The following ERBB4 variants were observed in gnomAD, a reference collection of about 807,000 sequenced individuals.
ERBB4 encodes receptor tyrosine-protein kinase erbB-4.
A neutral mutation model predicts 158.0 loss-of-function variants in ERBB4; 42 were observed. The observed-to-expected ratio is 0.27, with a 90% CI of 0.21 to 0.34. ERBB4 has a LOEUF of 0.34. ERBB4 is among the 10% of genes least tolerant of loss of function. The pLI is 1.00. For synonymous variants in ERBB4, 583 were observed against 558.7 expected (o/e 1.04, Z -0.61); for missense variants, 1,333 against 1,624.1 (o/e 0.82, Z 3.08).
At chr2:211,803,627 G>A (rs2076548822) in intron 3 of ERBB4, among the ~76,000 whole-genome samples, 1 of 152,194 alleles carries the variant, frequency 6.6e-6, no homozygotes, top group Non-Finnish European at 1.5e-5. Flanking sequence ...TTTATTCAGA[G>A]GGGCCAGAAA....
chr2:212,121,785 A>T (rs2079758373), intron 2 of ERBB4, among the ~76,000 whole-genome samples: 1 of 152,292 alleles, frequency 6.6e-6, no homozygotes, highest in Non-Finnish European at 1.5e-5. Flanking sequence ...CACTAAGTAC[A>T]CATTTATTAA....
rs138613021 is a variant in ERBB4 at position 212,454,577 on chromosome 2, A to G, written c.82+83872T>C. On this transcript the variant is annotated intron_variant, in intron 1 of 27. Coordinates refer to ENST00000342788, the MANE Select transcript of ERBB4 (RefSeq NM_005235.3). Reference sequence around the variant, plus strand: ...ATGAAAATTATTTCTGCAATAAATAATATTTTATCTGTTCTAAAATAGCTT... The same window carrying G: ...ATGAAAATTATTTCTGCAATAAATAGTATTTTATCTGTTCTAAAATAGCTT... Among the ~76,000 whole-genome samples, 6 of 152,342 alleles carry G rather than the reference A, an allele frequency of 3.9e-5. No individual in the cohort carries two copies. In the East Asian group the frequency reaches 1.2e-3, roughly 29 times the overall value.
At chr2:211,443,643 T>C (rs917170980) in intron 20 of ERBB4, among the ~76,000 whole-genome samples, 1 of 151,826 alleles carries the variant, frequency 6.6e-6, no homozygotes, top group Non-Finnish European at 1.5e-5. Flanking sequence ...TCTGGGGGAG[T>C]GGAATGCAGG....
rs1380144584 is a variant in ERBB4 at position 211,379,218 on chromosome 2, ACAC to A, written c.*4394_*4396del. Reference sequence around the variant, plus strand: ...ATTTTGTTTGTTTGCTAGCTAAATGACACCACTCCTTTTTTTTTTTGTCTCTGC... The same window carrying A: ...ATTTTGTTTGTTTGCTAGCTAAATGACACTCCTTTTTTTTTTTGTCTCTGC... On this transcript the variant is annotated 3_prime_UTR_variant, in exon 28 of 28. Coordinates refer to ENST00000342788, the MANE Select transcript of ERBB4 (RefSeq NM_005235.3). 2 of 229,322 alleles carry A rather than the reference ACAC, an allele frequency of 8.7e-6. No individual in the cohort carries two copies. Among genetic ancestry groups the A allele is most frequent in the East Asian group, 1.2e-4 (2 of 16,092 alleles). 14.2% of individuals were successfully genotyped at this position (229,322 alleles called of 1,614,324 possible). A position where few individuals can be genotyped will look rare whatever the true frequency, so the allele number is the denominator to read the frequency against.
chr2:211,862,358 G>A lies in ERBB4; in HGVS notation c.422-74199C>T, dbSNP rs1575271089. On this transcript the variant is annotated intron_variant, in intron 3 of 27. Transcript: ENST00000342788. Reference sequence around the variant, plus strand: ...TCTGTTTCTTATCAGCAGAAAATAAGAGTTTTTACACTATATTTTTAATTC... The same window carrying A: ...TCTGTTTCTTATCAGCAGAAAATAAAAGTTTTTACACTATATTTTTAATTC... Among the ~76,000 whole-genome samples the A allele has an allele frequency of 3.3e-5, 5 of 152,140 alleles. No individual in the cohort carries two copies. In the South Asian group the frequency reaches 1.0e-3, roughly 32 times the overall value.
chr2:211,430,888 G>C, intron 21 of ERBB4, 57 bp downstream of exon 21: 1 of 1,386,080 alleles, frequency 7.2e-7, no homozygotes, highest in Non-Finnish European at 1.0e-6. Context: ...AATATAAGGA[G>C]ATAAAAGGAT....
intron 12 of ERBB4, among the ~76,000 whole-genome samples, chr2:211,687,912 C>G (rs1003401448): frequency 2.0e-5 from 3 of 152,152 alleles, no homozygotes; most frequent in Non-Finnish European, 4.4e-5. Context: ...CCTCCATCTT[C>G]ACAGAAGCAA....
chr2:212,195,662 A>T lies in ERBB4; in HGVS notation c.83-70759T>A, dbSNP rs1276001752. Reference sequence around the variant, plus strand: ...ACTCATAAGTTCAATATTGTCTTCAAGCACATTAACTTTATATAATAAAAA... The same window carrying T: ...ACTCATAAGTTCAATATTGTCTTCATGCACATTAACTTTATATAATAAAAA... On this transcript the variant is annotated intron_variant, in intron 1 of 27. Transcript: ENST00000342788. Among the ~76,000 whole-genome samples the T allele has an allele frequency of 2.6e-5, 4 of 152,096 alleles. No homozygotes were observed. In the East Asian group the frequency reaches 7.7e-4, roughly 29 times the overall value.
chr2:212,357,536 C>T (rs2089509679), intron 1 of ERBB4, among the ~76,000 whole-genome samples: 1 of 151,730 alleles, frequency 6.6e-6, no homozygotes, highest in Non-Finnish European at 1.5e-5. Context: ...TTATCAAGCT[C>T]AATATTTAAA....
At chr2:211,637,026 T>C (rs1211477216) in intron 16 of ERBB4, among the ~76,000 whole-genome samples, 3 of 151,942 alleles carry the variant, frequency 2.0e-5, no homozygotes, top group Non-Finnish European at 4.4e-5. Flanking sequence ...AACTTAAATG[T>C]ATATTTCACA....
intron 1 of ERBB4, among the ~76,000 whole-genome samples, chr2:212,284,324 C>T (rs1249549277): frequency 6.6e-6 from 1 of 152,068 alleles, no homozygotes; most frequent in Non-Finnish European, 1.5e-5. Context: ...TGCCTCTGAA[C>T]TCTGTCTAAT....
At chr2:212,523,741 AG>A (rs1335766379) in intron 1 of ERBB4, among the ~76,000 whole-genome samples, 2 of 151,992 alleles carry the variant, frequency 1.3e-5, no homozygotes, top group African/African-American at 4.8e-5. Context: ...ACAAGTTCTC[AG>A]AAATCACAGA....
chr2:211,430,958 G>A lies in ERBB4; in HGVS notation c.2630C>T (p.Ala877Val), dbSNP rs758241822. Residue 877 changes from alanine to valine, a missense_variant, in exon 21 of 28, where the codon GCT becomes GTT. Around this residue, in one of 5 missense-constraint regions of ERBB4, gnomAD observed 314 missense variants for 437.6 expected, o/e 0.72. Coordinates refer to ENST00000342788, the MANE Select transcript of ERBB4 (RefSeq NM_005235.3). Reference protein sequence around the residue: ...LLEGDEKEYNADGGKMPIKWM... With the variant: ...LLEGDEKEYNVDGGKMPIKWM... ...AAAGATACCCACCTTTCCTCCATCAGCATTGTACTCTTTTTCATCTCCTTC... is the reference window on the plus strand; with the variant it reads ...AAAGATACCCACCTTTCCTCCATCAACATTGTACTCTTTTTCATCTCCTTC... The A allele has an allele frequency of 1.2e-6, 2 of 1,613,314 alleles. No individual in the cohort carries two copies. The highest frequency in any genetic ancestry group is 4.5e-5 in the East Asian group (2 of 44,866).
intron 1 of ERBB4, among the ~76,000 whole-genome samples, chr2:212,277,049 A>C (rs1422224885): frequency 1.3e-5 from 2 of 151,722 alleles, no homozygotes; most frequent in East Asian, 3.9e-4. Context: ...AATTTATGAG[A>C]TATGTAAAAA....
chr2:212,209,577 T>C (rs952805055), intron 1 of ERBB4, among the ~76,000 whole-genome samples: 2 of 152,072 alleles, frequency 1.3e-5, no homozygotes, highest in African/African-American at 4.8e-5. Context: ...TCTGAGCTTC[T>C]TGCTTATTAG....
intron 1 of ERBB4, among the ~76,000 whole-genome samples, chr2:212,318,409 T>C (rs1223320367): frequency 1.3e-5 from 2 of 151,644 alleles, no homozygotes; most frequent in Admixed American, 1.3e-4. Flanking sequence ...CCCAGTCTAT[T>C]GTTTTATGTC....
intron 2 of ERBB4, among the ~76,000 whole-genome samples, chr2:212,050,951 C>T (rs1471717886): frequency 6.6e-6 from 1 of 152,116 alleles, no homozygotes; most frequent in Non-Finnish European, 1.5e-5. Context: ...TGCAAGCTTC[C>T]ATCATAAACA....
At chr2:212,310,046 C>A (rs1001868890) in intron 1 of ERBB4, among the ~76,000 whole-genome samples, 3 of 150,450 alleles carry the variant, frequency 2.0e-5, no homozygotes, top group African/African-American at 7.3e-5. Flanking sequence ...GAAATAGATG[C>A]ATTTTTCTAA....
chr2:211,443,881 A>T (rs1836713), intron 20 of ERBB4, among the ~76,000 whole-genome samples: 122,022 of 151,616 alleles, frequency 0.8, 49,561 homozygotes, highest in African/African-American at 0.91. Flanking sequence ...CTCAATGTTG[A>T]TAGTATTATG....
Sources: gnomAD v4.1 joint callset for allele counts (sites outside exome capture counted in the v4.1 genomes callset) on GRCh38, gnomAD v4.1.1 for gene constraint, gnomAD v4.1.1 regional missense constraint, MANE v1.5 for transcripts, NCBI Gene and HGNC (gene_info 2026-07-23, HGNC 2026-07-21) for gene names.